ZNF831: variants seen among roughly 807,000 people sequenced by gnomAD.
ZNF831 encodes the protein zinc finger protein 831.
A neutral mutation model predicts 95.8 loss-of-function variants in ZNF831; 59 were observed. That is an observed-to-expected ratio of 0.62 (90% CI 0.50 to 0.77). The LOEUF is 0.77. Among genes scored for constraint, ZNF831 ranks in the 30% least tolerant of loss-of-function variants. The pLI, the probability that ZNF831 is intolerant of heterozygous loss-of-function variation, is 0.00. For missense variants in ZNF831, 2,205 were observed against 2,164.0 expected (o/e 1.02, Z -0.38); for synonymous variants, 961 against 925.5 (o/e 1.04, Z -0.70).
At chr20:59,126,890 C>A (rs1168347681) in intron 1 of ZNF831, among the ~76,000 whole-genome samples, 1 of 152,182 alleles carries the variant, frequency 6.6e-6, no homozygotes, top group Non-Finnish European at 1.5e-5. Flanking sequence ...CTGCAGGACC[C>A]GTTCCTCCCT....
chr20:59,135,378 C>A (rs1388905530), intron 1 of ZNF831, among the ~76,000 whole-genome samples: 1 of 151,868 alleles, frequency 6.6e-6, no homozygotes, highest in Non-Finnish European at 1.5e-5. Flanking sequence ...TTGAGCCCAG[C>A]AGTTTGAGAT....
At chr20:59,167,530 A>C (rs1455562962) in intron 1 of ZNF831, among the ~76,000 whole-genome samples, 1 of 152,040 alleles carries the variant, frequency 6.6e-6, no homozygotes, top group South Asian at 2.1e-4. Context: ...CCACTTTAGA[A>C]GTCCTAAAGA....
chr20:59,188,675 TAA>T (rs1983262818), intron 1 of ZNF831, among the ~76,000 whole-genome samples: 1 of 151,848 alleles, frequency 6.6e-6, no homozygotes, highest in African/African-American at 2.4e-5. Context: ...AATAAATAAA[TAA>T]ATAAATAAAT....
rs1383621842 is a variant in ZNF831 at position 59,192,086 on chromosome 20, C to T, written c.1067C>T (p.Pro356Leu). The T allele has an allele frequency of 1.2e-6, 2 of 1,601,560 alleles. No homozygotes were observed. The highest frequency in any genetic ancestry group is 2.7e-5 in the African/African-American group (2 of 74,662). The change falls in exon 2 of 6, where the codon CCG becomes CTG. Residue 356 changes from proline to leucine, a missense_variant. Coordinates refer to ENST00000371030, the MANE Select transcript of ZNF831 (RefSeq NM_178457.3). The surrounding 1 kb of genome is among the most constrained non-coding windows in gnomAD (Gnocchi z 5.2). ...TCGCGCTCCGACAGCGCGGAGCAGC[C>T]GCATGCGCCCTGCAGCCCCCTGCAC... ...YLSRSDSAEQ[P>L]HAPCSPLHSL...
upstream of ZNF831, among the ~76,000 whole-genome samples, chr20:59,161,872 C>T (rs527601171): frequency 1.3e-5 from 2 of 152,316 alleles, no homozygotes; most frequent in East Asian, 3.9e-4. Flanking sequence ...AATTTACATT[C>T]CCACCAACAA....
At chr20:59,207,142 G>A in intron 4 of ZNF831, 86 bp downstream of exon 4, 1 of 1,526,032 alleles carries the variant, frequency 6.6e-7, no homozygotes, top group Non-Finnish European at 8.9e-7. Flanking sequence ...GGGATGGGCA[G>A]GAGTCAGCCC....
chr20:59,127,755 T>C (rs1979220097), intron 1 of ZNF831, among the ~76,000 whole-genome samples: 1 of 152,242 alleles, frequency 6.6e-6, no homozygotes, highest in Admixed American at 6.5e-5. Context: ...TTTTGGTTCC[T>C]GTAGCACCCT....
At chr20:59,149,427 G>A (rs972303735) in intron 2 of ZNF831, among the ~76,000 whole-genome samples, 15 of 152,144 alleles carry the variant, frequency 9.9e-5, no homozygotes, top group Admixed American at 1.3e-4. Flanking sequence ...TGTGGTTGGC[G>A]CCTTCCCCAA....
chr20:59,129,548 G>A (rs111267152), intron 1 of ZNF831, among the ~76,000 whole-genome samples: 18,228 of 152,188 alleles, frequency 0.12, 1,217 homozygotes, highest in African/African-American at 0.16. Context: ...GCTTGAATCC[G>A]GGAGGCAGAA....
At chr20:59,129,677 C>T (rs952265707) in intron 1 of ZNF831, among the ~76,000 whole-genome samples, 6 of 152,178 alleles carry the variant, frequency 3.9e-5, no homozygotes, top group African/African-American at 1.4e-4. Flanking sequence ...AAGTTGCTGC[C>T]TGTGTGGCCC....
intron 1 of ZNF831, among the ~76,000 whole-genome samples, chr20:59,142,198 G>GA (rs778766073): frequency 6.6e-6 from 1 of 152,210 alleles, no homozygotes; most frequent in Non-Finnish European, 1.5e-5. Flanking sequence ...TTGGCAGGGG[G>GA]AATAGGGTGG....
chr20:59,138,022 T>C (rs1398408067), intron 1 of ZNF831, among the ~76,000 whole-genome samples: 1 of 152,240 alleles, frequency 6.6e-6, no homozygotes, highest in Admixed American at 6.5e-5. Flanking sequence ...TATGAATTAC[T>C]TGACATATTT....
At chr20:59,231,127 A>T (rs1986698460) in intron 4 of ZNF831, among the ~76,000 whole-genome samples, 1 of 152,226 alleles carries the variant, frequency 6.6e-6, no homozygotes, top group African/African-American at 2.4e-5. Flanking sequence ...CATGCGGTGG[A>T]TATTGCATGT....
chr20:59,180,310 G>T (rs149930248), intron 1 of ZNF831, among the ~76,000 whole-genome samples: 1 of 152,206 alleles, frequency 6.6e-6, no homozygotes, highest in African/African-American at 2.4e-5. Flanking sequence ...CTGGTCTCAA[G>T]CTCCCAGGCT....
intron 2 of ZNF831, among the ~76,000 whole-genome samples, chr20:59,149,943 C>G (rs180696853): frequency 6.6e-6 from 1 of 152,248 alleles, no homozygotes; most frequent in Non-Finnish European, 1.5e-5. Flanking sequence ...CCCCATCCAA[C>G]GCCAGCGCCA....
intron 1 of ZNF831, among the ~76,000 whole-genome samples, chr20:59,133,861 G>T (rs569525699): frequency 2.0e-5 from 3 of 152,344 alleles, no homozygotes; most frequent in African/African-American, 7.2e-5. Flanking sequence ...CTTCCATGCT[G>T]CTCACTCTCA....
At chr20:59,203,533 G>A (rs1049582283) in intron 3 of ZNF831, among the ~76,000 whole-genome samples, 2 of 152,146 alleles carry the variant, frequency 1.3e-5, no homozygotes, top group South Asian at 2.1e-4. Flanking sequence ...AGAAGAATAC[G>A]TGGCACAGAT....
intron 1 of ZNF831, among the ~76,000 whole-genome samples, chr20:59,141,949 C>T (rs1401785278): frequency 6.6e-6 from 1 of 152,226 alleles, no homozygotes; most frequent in Non-Finnish European, 1.5e-5. Context: ...GGGAAGAGCA[C>T]TCTGTGGTGA....
chr20:59,224,300 C>T (rs553513942), intron 4 of ZNF831, among the ~76,000 whole-genome samples: 19 of 152,276 alleles, frequency 1.2e-4, no homozygotes, highest in African/African-American at 4.6e-4. Context: ...GGCTTCTCAT[C>T]CGTGGTTTGG....
Sources: allele counts gnomAD v4.1 joint callset (sites outside exome capture counted in the v4.1 genomes callset), GRCh38; gene constraint gnomAD v4.1.1; non-coding constraint Gnocchi (gnomAD v3.1); transcripts MANE v1.5; gene names NCBI Gene and HGNC (gene_info 2026-07-23, HGNC 2026-07-21).